Variants in AKAP10 observed in about 807,000 individuals in gnomAD.
AKAP10 encodes A-kinase anchoring protein 10, also known as A-kinase anchor protein 10, mitochondrial.
Under a neutral mutation model 80.8 loss-of-function variants are expected in AKAP10, and 24 were observed. The ratio of observed to expected loss-of-function variants is 0.30; its 90% confidence interval spans 0.22 to 0.42. AKAP10 has a LOEUF of 0.42. AKAP10 is among the 10% of genes least tolerant of loss of function. The pLI is 1.00. For missense variants in AKAP10, 661 were observed against 794.9 expected, an observed-to-expected ratio of 0.83 and a Z score of 2.03; for synonymous variants, 291 against 277.7, an observed-to-expected ratio of 1.05 and a Z score of -0.48.
rs776995278 is a variant in AKAP10 at position 19,909,216 on chromosome 17, C to T, written c.1948G>A (p.Ala650Thr). The change falls in exon 14 of 15, where the codon GCT becomes ACT. Residue 650 changes from alanine to threonine, a missense_variant. Transcript: ENST00000225737. The part of the protein sequence containing the change: ...KMIVSDIMQQ[A>T]QYDQPLEKST... The stretch of plus-strand genomic sequence containing the variant: ...TTCTCTAACGGTTGATCATACTGAG[C>T]CTGCTGCATAATGTCACTGACTATC... 4.7e-5 allele frequency: 76 copies of T among 1,613,572 alleles called. No individual in the cohort carries two copies. Among genetic ancestry groups the T allele is most frequent in the Non-Finnish European group, 6.1e-5 (72 of 1,179,918 alleles).
At position 19,933,944 on chromosome 17, in the gene AKAP10, G is replaced by A. The variant is rs138671893; in HGVS notation, c.1468-1966C>T. On this transcript the variant is annotated intron_variant, in intron 9 of 14. Coordinates refer to ENST00000225737, the MANE Select transcript of AKAP10 (RefSeq NM_007202.4). ...TTTATTATAATTATATTTTTGAGAC[G>A]GAGTTTTGCTCTTGTTGCCCAGGCT... Among the ~76,000 whole-genome samples the A allele has an allele frequency of 2.7e-3, 414 of 152,014 alleles. 1 individual carries two copies. The highest frequency in any genetic ancestry group is 9.2e-3 in the African/African-American group (380 of 41,488).
At chr17:19,921,873 T>A in intron 11 of AKAP10, among the ~76,000 whole-genome samples, 1 of 152,106 alleles carries the variant, frequency 6.6e-6, no homozygotes, top group East Asian at 1.9e-4. Context: ...ATAGTAAATA[T>A]TACATACGGA....
intron 11 of AKAP10, among the ~76,000 whole-genome samples, chr17:19,923,599 T>C (rs1295611566): frequency 1.3e-5 from 2 of 151,660 alleles, no homozygotes; most frequent in African/African-American, 4.8e-5. Context: ...CAATCTAAGC[T>C]CACTGCAAGC....
chr17:19,960,519 T>G (rs759708292), intron 3 of AKAP10, among the ~76,000 whole-genome samples: 1 of 152,248 alleles, frequency 6.6e-6, no homozygotes, highest in African/African-American at 2.4e-5. Flanking sequence ...GGTGGTTAAA[T>G]GTATCAACAG....
At chr17:19,958,719 A>C in intron 3 of AKAP10, 148 bp from the exon 4 acceptor site, 1 of 654,712 alleles carries the variant, frequency 1.5e-6, no homozygotes, top group Non-Finnish European at 2.4e-6. Context: ...AAAACTACAA[A>C]TACTATGCTT....
intron 14 of AKAP10, among the ~76,000 whole-genome samples, chr17:19,907,569 C>T (rs1209882595): frequency 6.6e-6 from 1 of 152,010 alleles, no homozygotes; most frequent in African/African-American, 2.4e-5. Context: ...AGGCACCTGC[C>T]ACCATGCCCA....
intron 7 of AKAP10, among the ~76,000 whole-genome samples, 200 bp from the exon 8 acceptor site, chr17:19,940,049 T>G (rs1406626774): frequency 6.6e-6 from 1 of 152,160 alleles, no homozygotes; most frequent in Non-Finnish European, 1.5e-5. Context: ...GAAAAAAAAG[T>G]TAACAAGAAA....
intron 2 of AKAP10, among the ~76,000 whole-genome samples, chr17:19,964,343 T>C (rs1271713318): frequency 6.6e-6 from 1 of 152,222 alleles, no homozygotes; most frequent in Non-Finnish European, 1.5e-5. Flanking sequence ...TCTATCTTTC[T>C]TGGTCTCCAT....
chr17:19,941,984 G>T, intron 5 of AKAP10, 74 bp from the exon 6 acceptor site: 3 of 1,288,512 alleles, frequency 2.3e-6, no homozygotes, highest in South Asian at 1.5e-5. Flanking sequence ...AATCAACTTG[G>T]GAGTTAACAG....
chr17:19,970,582 G>C (rs139965632), intron 1 of AKAP10, among the ~76,000 whole-genome samples: 1 of 152,222 alleles, frequency 6.6e-6, no homozygotes, highest in East Asian at 1.9e-4. Flanking sequence ...CAGGACTTTG[G>C]GAGGCCAAGG....
intron 12 of AKAP10, among the ~76,000 whole-genome samples, chr17:19,911,240 C>A (rs1034283279): frequency 6.6e-6 from 1 of 152,010 alleles, no homozygotes; most frequent in African/African-American, 2.4e-5. Flanking sequence ...TCTCGTCAGG[C>A]CCCCCTGCAG....
Position 19,940,966 on chromosome 17 carries a change from T to C in AKAP10, c.1106A>G (p.Gln369Arg). The change falls in exon 7 of 15, where the codon CAG (glutamine) becomes CGG (arginine). Residue 369 changes from glutamine (Q) to arginine (R), a missense_variant. Transcript: ENST00000225737. ...FLRSHHFCKY[Q>R]IEVLTSGTVY... The stretch of plus-strand genomic sequence containing the variant: ...AGTTCCACTGGTCAGCACTTCAATC[T>C]GGTATTTACAGAAATGGTGACTTCG... 5.0e-6 allele frequency: 8 copies of C among 1,611,412 alleles called. No homozygotes were observed. Among genetic ancestry groups the C allele is most frequent in the Non-Finnish European group, 6.8e-6 (8 of 1,179,352 alleles).
intron 12 of AKAP10, among the ~76,000 whole-genome samples, chr17:19,919,455 G>A (rs940699180): frequency 2.6e-5 from 4 of 152,112 alleles, no homozygotes; most frequent in Non-Finnish European, 5.9e-5. Flanking sequence ...AAGCCAAGGC[G>A]GATGGATTGC....
At position 19,935,447 on chromosome 17, in the gene AKAP10, TA is replaced by T. The variant is rs199596897; in HGVS notation, c.1467+838del. 2.7e-3 allele frequency among the ~76,000 whole-genome samples: 404 copies of T among 152,268 alleles called. 14 individuals carry two copies. The East Asian group carries it at 0.074, about 28-fold the overall frequency. ...ACACTTAGGCTACACTAAATTTATT[TA>T]AAATTTTTTTCTTTAATAATAAATT... On this transcript the variant is annotated intron_variant, in intron 9 of 14. Coordinates refer to ENST00000225737, the MANE Select transcript of AKAP10 (RefSeq NM_007202.4).
At chr17:19,942,341 T>C (rs188760693) in intron 5 of AKAP10, among the ~76,000 whole-genome samples, 2 of 151,976 alleles carry the variant, frequency 1.3e-5, no homozygotes, top group Admixed American at 1.3e-4. Context: ...AAGACATACA[T>C]ACTCACTAGT....
intron 12 of AKAP10, among the ~76,000 whole-genome samples, chr17:19,918,216 G>A (rs1475378491): frequency 1.5e-5 from 2 of 136,368 alleles, no homozygotes; most frequent in African/African-American, 2.8e-5. Context: ...GCAAGACTCC[G>A]TCTCAAACAA....
intron 5 of AKAP10, 74 bp downstream of exon 5, chr17:19,947,333 G>A (rs2043145778): frequency 8.7e-7 from 1 of 1,143,416 alleles, no homozygotes; most frequent in African/African-American, 1.6e-5. Context: ...AATTATCTTA[G>A]TCAATAACGA....
chr17:19,908,156 C>T (rs888643222), intron 14 of AKAP10, among the ~76,000 whole-genome samples: 1 of 152,104 alleles, frequency 6.6e-6, no homozygotes, highest in East Asian at 1.9e-4. Context: ...TGAGCCACTG[C>T]GCCCAGCCTG....
intron 11 of AKAP10, among the ~76,000 whole-genome samples, chr17:19,920,447 A>G (rs1203834446): frequency 6.6e-6 from 1 of 152,238 alleles, no homozygotes; most frequent in East Asian, 1.9e-4. Context: ...CCCAAAAGGT[A>G]GGCCTTGCTC....
Sources: allele counts gnomAD v4.1 joint callset (sites outside exome capture counted in the v4.1 genomes callset), GRCh38; gene constraint gnomAD v4.1.1; transcripts MANE v1.5; gene names NCBI Gene and HGNC (gene_info 2026-07-23, HGNC 2026-07-21).